The following TRAPPC10 variants were observed in gnomAD, a reference collection of about 807,000 sequenced individuals.
TRAPPC10 encodes the protein trafficking protein particle complex subunit 10.
In TRAPPC10, 23 loss-of-function variants were observed where a neutral mutation model predicts 125.5. The observed-to-expected ratio is 0.18, with a 90% CI of 0.13 to 0.26. The LOEUF (loss-of-function observed/expected upper bound fraction) is 0.26, where lower values mean the gene tolerates loss of function less well. Among genes scored for constraint, TRAPPC10 ranks in the 10% least tolerant of loss-of-function variants. TRAPPC10 has a pLI of 1.00. For synonymous variants in TRAPPC10, 509 were observed against 518.0 expected (o/e 0.98, Z 0.24); for missense variants, 1,123 against 1,308.4 (o/e 0.86, Z 2.19).
chr21:44,031,790 T>G (rs991304203), intron 1 of TRAPPC10, among the ~76,000 whole-genome samples: 1 of 152,188 alleles, frequency 6.6e-6, no homozygotes, highest in East Asian at 1.9e-4. Context: ...TGGAGCAGGC[T>G]CCCTCTCCTA....
chr21:44,057,306 T>TC (rs1472770068), intron 5 of TRAPPC10, among the ~76,000 whole-genome samples: 2 of 146,560 alleles, frequency 1.4e-5, no homozygotes, highest in South Asian at 2.2e-4. Context: ...TCTCTCTCTC[T>TC]TTTTTTTTTT....
At position 44,059,523 on chromosome 21, in the gene TRAPPC10, T is replaced by C; in HGVS notation, c.790+309T>C. 1.3e-6 allele frequency: 1 copy of C among 750,218 alleles called. No individual in the cohort carries two copies. Among genetic ancestry groups the C allele is most frequent in the Non-Finnish European group, 2.5e-6 (1 of 401,704 alleles). The allele number at this position is 750,218 out of a possible 1,614,324, so 46.5% of individuals were successfully genotyped here. A position where few individuals can be genotyped will look rare whatever the true frequency, so the allele number is the denominator to read the frequency against. On this transcript the variant is annotated intron_variant, in intron 6 of 22. Coordinates refer to ENST00000291574, the MANE Select transcript of TRAPPC10 (RefSeq NM_003274.5). This position sits in a 1 kb window ranked among gnomAD's most constrained non-coding sequence, Gnocchi z 4.4. ...GCTGGTGATGCTTCGATTCTGTCCC[T>C]CGTTAGAATCAGAGTGGACGTCCCT...
At chr21:44,025,388 T>C (rs1287673604) in intron 1 of TRAPPC10, among the ~76,000 whole-genome samples, 2 of 152,260 alleles carry the variant, frequency 1.3e-5, no homozygotes, top group Non-Finnish European at 2.9e-5. Flanking sequence ...TCTTTTTAAC[T>C]TGTAAATACA....
intron 3 of TRAPPC10, among the ~76,000 whole-genome samples, chr21:44,041,439 C>T (rs748795721): frequency 1.3e-5 from 2 of 151,726 alleles, no homozygotes; most frequent in Non-Finnish European, 2.9e-5. Flanking sequence ...TGCAGTGGTG[C>T]GATCTTGGCT....
At chr21:44,094,692 A>G (rs1451355508) in intron 20 of TRAPPC10, among the ~76,000 whole-genome samples, 1 of 152,230 alleles carries the variant, frequency 6.6e-6, no homozygotes, top group Non-Finnish European at 1.5e-5. Context: ...ATCATTTGGT[A>G]GAAGCCAATT....
intron 1 of TRAPPC10, among the ~76,000 whole-genome samples, chr21:44,027,094 T>C (rs137896682): frequency 6.6e-6 from 1 of 152,368 alleles, no homozygotes; most frequent in East Asian, 1.9e-4. Flanking sequence ...GAAAACTTAC[T>C]GTTCCTTTTA....
At chr21:44,093,602 C>CA (rs1242022529) in intron 19 of TRAPPC10, among the ~76,000 whole-genome samples, 1 of 151,952 alleles carries the variant, frequency 6.6e-6, no homozygotes, top group Non-Finnish European at 1.5e-5. Context: ...TACTAGAATA[C>CA]AAAAAATGAG....
intron 20 of TRAPPC10, among the ~76,000 whole-genome samples, chr21:44,095,828 A>G (rs1290895389): frequency 6.6e-6 from 1 of 152,108 alleles, no homozygotes; most frequent in Non-Finnish European, 1.5e-5. Context: ...TTGGCCTCCC[A>G]GAGTGCTGGG....
At chr21:44,085,829 AAAC>A (rs1248550187) in intron 15 of TRAPPC10, among the ~76,000 whole-genome samples, 1 of 152,246 alleles carries the variant, frequency 6.6e-6, no homozygotes, top group Non-Finnish European at 1.5e-5. Context: ...GAGTTGCTAT[AAAC>A]AAATGATTGA....
chr21:44,031,752 C>G (rs1601594195), intron 1 of TRAPPC10, among the ~76,000 whole-genome samples: 1 of 152,184 alleles, frequency 6.6e-6, no homozygotes. Context: ...AAAGTGGAGG[C>G]TGTAGAACAC....
Position 44,037,829 on chromosome 21 carries a change from T to G in TRAPPC10, c.187T>G (p.Ser63Ala). ...GGCTCCGAAGATGATTCACCTAGAG[T>G]CTAACTTTGTTCAATTCAAAGAGGA... ...GRAPKMIHLE[S>A]NFVQFKEELL... The change falls in exon 3 of 23, where the codon TCT becomes GCT. Residue 63 changes from serine (S) to alanine (A), a missense_variant. Around this residue, in one of 4 missense-constraint regions of TRAPPC10, gnomAD observed 177 missense variants for 228.9 expected, o/e 0.77. Coordinates refer to ENST00000291574, the MANE Select transcript of TRAPPC10 (RefSeq NM_003274.5). 2 of 1,614,106 alleles carry G rather than the reference T, an allele frequency of 1.2e-6. No individual in the cohort carries two copies. Among genetic ancestry groups the G allele is most frequent in the Non-Finnish European group, 1.7e-6 (2 of 1,180,020 alleles).
At chr21:44,062,646 G>A in intron 6 of TRAPPC10, 4 of 984,558 alleles carry the variant, frequency 4.1e-6, no homozygotes, top group African/African-American at 3.5e-5. Flanking sequence ...GGATGCTGGT[G>A]CAGGGGCTGG....
At chr21:44,095,076 G>T (rs1056398611) in intron 20 of TRAPPC10, among the ~76,000 whole-genome samples, 4 of 149,512 alleles carry the variant, frequency 2.7e-5, no homozygotes, top group South Asian at 2.1e-4. Context: ...ATGAGACAAG[G>T]TCTCACTCTG....
intron 3 of TRAPPC10, among the ~76,000 whole-genome samples, chr21:44,045,288 C>T (rs1383560324): frequency 6.6e-6 from 1 of 152,146 alleles, no homozygotes; most frequent in African/African-American, 2.4e-5. Flanking sequence ...TCTGGATTTC[C>T]TGCTGACCGA....
At chr21:44,071,581 G>A (rs1569194345) in intron 7 of TRAPPC10, among the ~76,000 whole-genome samples, 1 of 152,206 alleles carries the variant, frequency 6.6e-6, no homozygotes, top group Non-Finnish European at 1.5e-5. Flanking sequence ...GGAGCTAAGA[G>A]ACACACACAG....
rs533756183 is a variant in TRAPPC10, at chr21:44,040,752, A to G, written c.285+2825A>G. Among the ~76,000 whole-genome samples, 9 of 147,578 alleles carry G rather than the reference A, an allele frequency of 6.1e-5. No individual in the cohort carries two copies. In the East Asian group the frequency reaches 1.6e-3, roughly 26 times the overall value. ...ATCCTCCCACCTCAGCCTCCCAAGT[A>G]GCTGGGACCACGCCTGCCTTTTTTT... On this transcript the variant is annotated intron_variant, in intron 3 of 22. Coordinates refer to ENST00000291574, the MANE Select transcript of TRAPPC10 (RefSeq NM_003274.5).
chr21:44,050,935 C>T (rs1393892767), intron 3 of TRAPPC10, among the ~76,000 whole-genome samples: 1 of 152,136 alleles, frequency 6.6e-6, no homozygotes, highest in African/African-American at 2.4e-5. Context: ...GACGCAGTCT[C>T]GCTCTGTCGC....
chr21:44,019,247 G>A (rs911313054), intron 1 of TRAPPC10, among the ~76,000 whole-genome samples: 3 of 152,058 alleles, frequency 2.0e-5, no homozygotes, highest in Admixed American at 6.6e-5. Context: ...ATGGGGTTTC[G>A]CCATGTTGCC....
chr21:44,046,029 C>CA (rs2034780343), intron 3 of TRAPPC10, among the ~76,000 whole-genome samples: 1 of 151,562 alleles, frequency 6.6e-6, no homozygotes, highest in Non-Finnish European at 1.5e-5. Flanking sequence ...CATGTTTGTA[C>CA]AAAACCAGAT....
Sources: gnomAD v4.1 joint callset for allele counts (sites outside exome capture counted in the v4.1 genomes callset) on GRCh38, gnomAD v4.1.1 for gene constraint, gnomAD v4.1.1 regional missense constraint, Gnocchi (gnomAD v3.1) non-coding constraint, MANE v1.5 for transcripts, NCBI Gene and HGNC (gene_info 2026-07-23, HGNC 2026-07-21) for gene names.